Variants in ZNF44 observed in about 807,000 individuals in gnomAD.
ZNF44 encodes the protein zinc finger protein 44.
A neutral mutation model predicts 11.7 loss-of-function variants in ZNF44; 9 were observed. The observed-to-expected ratio is 0.77, with a 90% CI of 0.46 to 1.35. The LOEUF is 1.35. Ranked by LOEUF, ZNF44 falls within the 40% of genes most tolerant of loss-of-function variation. ZNF44 has a pLI of 0.00. For synonymous variants in ZNF44, 224 were observed against 242.7 expected (o/e 0.92, Z 0.72); for missense variants, 696 against 743.1 (o/e 0.94, Z 0.74).
chr19:12,241,907 T>G (rs1382611972), upstream of ZNF44, among the ~76,000 whole-genome samples: 1 of 152,120 alleles, frequency 6.6e-6, no homozygotes, highest in Non-Finnish European at 1.5e-5. Flanking sequence ...TGGATGAACC[T>G]TGAAAACATT....
At chr19:12,250,394 G>T in intron 5 of ZNF44, 1 of 1,339,766 alleles carries the variant, frequency 7.5e-7, no homozygotes, top group South Asian at 1.2e-5. Context: ...TGTGTGTAAA[G>T]GAGAATGGGT....
At position 12,266,788 on chromosome 19, in the gene ZNF44, TG is replaced by T. The variant is rs575332238; in HGVS notation, c.1912+5698del. On this transcript the variant is annotated intron_variant and NMD_transcript_variant, in intron 5 of 7. Transcript: ENST00000393337. Reference sequence around the variant, plus strand: ...GAACTTGCTCCTGGCTTTCCAGAGCTGGCACTGGCGTCTCCCTGTACTAATG... The same window carrying T: ...GAACTTGCTCCTGGCTTTCCAGAGCTGCACTGGCGTCTCCCTGTACTAATG... Among the ~76,000 whole-genome samples the T allele has an allele frequency of 7.9e-5, 12 of 152,328 alleles. No homozygotes were observed. In the South Asian group the frequency reaches 2.1e-3, roughly 26 times the overall value.
At chr19:12,247,198 T>A (rs1916791968), downstream of ZNF44, 6 of 820,728 alleles carry the variant, frequency 7.3e-6, no homozygotes, top group Non-Finnish European at 9.7e-6. Flanking sequence ...TTCATGCAAC[T>A]ACCCTCCAGT....
At position 12,273,296 on chromosome 19, in the gene ZNF44, T is replaced by C. The variant is rs1334598812; in HGVS notation, c.959A>G (p.His320Arg). 6.2e-7 allele frequency: 1 copy of C among 1,613,450 alleles called. No homozygotes were observed. ...TCKQCGKAFC[H>R]LGSFQRHMIM... ...CATGTGTCTTTGAAAGCTTCCAAGA[T>C]GACAAAACGCTTTCCCACACTGTTT... The change falls in exon 4 of 4, where the codon CAT becomes CGT. Residue 320 changes from histidine (H) to arginine (R), a missense_variant. Physicochemically the swap from His to Arg is conservative, Grantham distance 29 (BLOSUM62 0). Transcript: ENST00000355684.
At chr19:12,267,029 A>ATTTTTTTTTT (rs200376802), downstream of ZNF44, among the ~76,000 whole-genome samples, 1 of 129,600 alleles carries the variant, frequency 7.7e-6, no homozygotes, top group African/African-American at 3.0e-5. Context: ...CAGTCTACTC[A>ATTTTTTTTTT]TTTTTTCTTT....
chr19:12,248,605 T>C, exon 8 of ZNF44: 1 of 1,299,518 alleles, frequency 7.7e-7, no homozygotes, highest in Non-Finnish European at 1.0e-6. Flanking sequence ...AGACTGAGAT[T>C]TGCAATCTGG....
intron 3 of ZNF44, among the ~76,000 whole-genome samples, chr19:12,274,306 T>C (rs1967120681): frequency 7.5e-6 from 1 of 133,406 alleles, no homozygotes; most frequent in Non-Finnish European, 1.6e-5. Flanking sequence ...GGAGTCTCCC[T>C]CTGTCATCAG....
At chr19:12,234,895 G>A (rs2459014) in exon 2 of ZNF44, 9,298 of 152,226 alleles carry the variant, frequency 0.061, 966 homozygotes, top group African/African-American at 0.21. Flanking sequence ...TCATTGTCTC[G>A]GAGCCATGGA....
intron 5 of ZNF44, chr19:12,266,274 C>T: frequency 2.0e-6 from 2 of 985,428 alleles, no homozygotes; most frequent in Non-Finnish European, 2.4e-6. Context: ...GGCACACTCA[C>T]CATTTCCTGG....
Position 12,273,559 on chromosome 19 carries a change from T to G in ZNF44, c.696A>C (p.Lys232Asn), listed in dbSNP as rs375933903. The change falls in exon 4 of 4, where the codon AAA becomes AAC. Residue 232 changes from lysine (K) to asparagine (N), a missense_variant. Transcript: ENST00000355684. ...EKPYECKQCS[K>N]AFPVYSSYLR... ...GATAGGAACTGTAAACAGGGAAGGC[T>G]TTAGAACACTGCTTACATTCATATG... The G allele has an allele frequency of 2.3e-5, 37 of 1,614,202 alleles. No individual in the cohort carries two copies. In the African/African-American group the frequency reaches 4.5e-4, roughly 20 times the overall value.
chr19:12,251,413 G>C (rs1023403547), intron 5 of ZNF44, among the ~76,000 whole-genome samples: 5 of 151,872 alleles, frequency 3.3e-5, no homozygotes, highest in African/African-American at 7.3e-5. Context: ...AGAATAGCTT[G>C]AGCCTGGGAG....
intron 7 of ZNF44, among the ~76,000 whole-genome samples, chr19:12,249,438 A>G (rs1916899695): frequency 6.7e-6 from 1 of 148,376 alleles, no homozygotes; most frequent in Admixed American, 6.7e-5. Flanking sequence ...CCCAAGAGGC[A>G]GAGCTTGCAG....
chr19:12,258,440 A>T (rs1917360151), intron 5 of ZNF44, among the ~76,000 whole-genome samples: 1 of 151,778 alleles, frequency 6.6e-6, no homozygotes, highest in African/African-American at 2.4e-5. Context: ...TTCAAGGCCC[A>T]TCAATTTACA....
chr19:12,256,036 T>TC (rs1370205239), intron 5 of ZNF44, among the ~76,000 whole-genome samples: 3 of 37,554 alleles, frequency 8.0e-5, no homozygotes, highest in African/African-American at 2.9e-4. Flanking sequence ...AAACTCTGTC[T>TC]CAAAAAAAAA....
chr19:12,277,446 A>G lies in ZNF44; in HGVS notation c.4-1364T>C, dbSNP rs1468572772. Among the ~76,000 whole-genome samples the G allele has an allele frequency of 2.6e-5, 4 of 152,258 alleles. No individual in the cohort carries two copies. In the East Asian group the frequency reaches 5.8e-4, roughly 22 times the overall value. ...TCAATTATATTCCATAAATCTCAACAGCAGACATTTAATAATCAATAACAT... is the reference window on the plus strand; with the variant it reads ...TCAATTATATTCCATAAATCTCAACGGCAGACATTTAATAATCAATAACAT... On this transcript the variant is annotated intron_variant, in intron 1 of 3. Coordinates refer to ENST00000355684, the MANE Select transcript of ZNF44 (RefSeq NM_016264.4).
At chr19:12,276,342 T>A (rs190268412) in intron 1 of ZNF44, among the ~76,000 whole-genome samples, 120 of 152,360 alleles carry the variant, frequency 7.9e-4, no homozygotes, top group Non-Finnish European at 1.5e-3. Context: ...TTGCCTGGAT[T>A]ACTCCTAATG....
downstream of ZNF44, chr19:12,247,252 C>CT (rs1293190905): frequency 1.7e-6 from 2 of 1,167,640 alleles, no homozygotes; most frequent in Non-Finnish European, 2.2e-6. Context: ...AATTGAAAAA[C>CT]TTTCGATATT....
intron 1 of ZNF44, among the ~76,000 whole-genome samples, chr19:12,288,498 C>CT (rs753028109): frequency 2.0e-5 from 3 of 151,878 alleles, no homozygotes; most frequent in Non-Finnish European, 4.4e-5. Context: ...AATCCCAGCA[C>CT]TTTGGGAGGC....
intron 1 of ZNF44, among the ~76,000 whole-genome samples, chr19:12,279,970 G>A (rs1967400769): frequency 6.6e-6 from 1 of 151,364 alleles, no homozygotes; most frequent in Admixed American, 6.6e-5. Context: ...TATATGAAGA[G>A]TGTTAGGAAA....
Sources: allele counts gnomAD v4.1 joint callset (sites outside exome capture counted in the v4.1 genomes callset), GRCh38; gene constraint gnomAD v4.1.1; transcripts MANE v1.5; gene names NCBI Gene and HGNC (gene_info 2026-07-23, HGNC 2026-07-21).